The following GALNTL6 variants were observed in gnomAD, a reference collection of about 807,000 sequenced individuals.
GALNTL6 encodes polypeptide N-acetylgalactosaminyltransferase-like 6.
A neutral mutation model predicts 73.7 loss-of-function variants in GALNTL6; 46 were observed. The ratio of observed to expected loss-of-function variants is 0.62; its 90% CI spans 0.49 to 0.80. GALNTL6 has a LOEUF of 0.80. GALNTL6 is among the 30% of genes least tolerant of loss of function. The probability of loss-of-function intolerance (pLI) is 0.00; values close to 1 mark genes in which losing one functional copy is unlikely to be tolerated. For synonymous variants in GALNTL6, 259 were observed against 263.7 expected, an observed-to-expected ratio of 0.98 and a Z score of 0.17; for missense variants, 604 against 755.0, an observed-to-expected ratio of 0.80 and a Z score of 2.34.
chr4:173,032,428 G>C (rs1753505563), intron 12 of GALNTL6, among the ~76,000 whole-genome samples: 1 of 151,358 alleles, frequency 6.6e-6, no homozygotes, highest in South Asian at 2.1e-4. Context: ...TCCAGCCTCG[G>C]CGACAGAGCG....
At chr4:171,950,213 G>A (rs1021697230) in intron 2 of GALNTL6, among the ~76,000 whole-genome samples, 2 of 152,052 alleles carry the variant, frequency 1.3e-5, no homozygotes, top group Non-Finnish European at 2.9e-5. Context: ...TATCATTGAA[G>A]CATAAATTCA....
intron 11 of GALNTL6, among the ~76,000 whole-genome samples, chr4:173,014,599 GTC>G (rs1294753540): frequency 1.3e-5 from 2 of 152,318 alleles, no homozygotes; most frequent in South Asian, 2.1e-4. Context: ...GGAAAAAAGA[GTC>G]TCATTATCAA....
At chr4:171,845,673 G>A (rs1735350313) in intron 2 of GALNTL6, among the ~76,000 whole-genome samples, 1 of 152,136 alleles carries the variant, frequency 6.6e-6, no homozygotes, top group East Asian at 1.9e-4. Flanking sequence ...GACCCTAAGG[G>A]ATGGTAAAGA....
chr4:173,012,398 G>A (rs1579780327), intron 11 of GALNTL6, among the ~76,000 whole-genome samples: 1 of 152,154 alleles, frequency 6.6e-6, no homozygotes, highest in Admixed American at 6.5e-5. Flanking sequence ...ATGATGCGAG[G>A]AAAACAGCCA....
At chr4:171,834,807 A>T (rs1579494903) in intron 2 of GALNTL6, among the ~76,000 whole-genome samples, 2 of 151,862 alleles carry the variant, frequency 1.3e-5, no homozygotes, top group Non-Finnish European at 2.9e-5. Context: ...TAGATAAAAG[A>T]CTCGACTAGT....
intron 5 of GALNTL6, among the ~76,000 whole-genome samples, chr4:172,760,088 G>T (rs1286879537): frequency 6.6e-6 from 1 of 150,716 alleles, no homozygotes; most frequent in African/African-American, 2.5e-5. Flanking sequence ...CACCCGCCTC[G>T]GCCTCCCAAA....
In GALNTL6 at chr4:173,040,114, A is replaced by G; in HGVS notation, c.*14A>G. The stretch of plus-strand genomic sequence containing the variant: ...GCCAACTCCTAGAAAGAAGAAAGGA[A>G]GAAAGAGTGATTACCTACAGGTTAT... On this transcript the variant is annotated 3_prime_UTR_variant, in exon 13 of 13. Transcript: ENST00000506823. 6.3e-7 allele frequency: 1 copy of G among 1,593,240 alleles called. No individual in the cohort carries two copies. Among genetic ancestry groups the G allele is most frequent in the Non-Finnish European group, 8.6e-7 (1 of 1,164,360 alleles).
chr4:172,356,152 C>T (rs1742147314), intron 5 of GALNTL6, among the ~76,000 whole-genome samples: 1 of 152,132 alleles, frequency 6.6e-6, no homozygotes, highest in African/African-American at 2.4e-5. Flanking sequence ...GCATGACTTC[C>T]TCAAGAAAAA....
intron 5 of GALNTL6, among the ~76,000 whole-genome samples, chr4:172,575,132 C>A (rs892478439): frequency 4.6e-5 from 7 of 152,158 alleles, no homozygotes; most frequent in Non-Finnish European, 7.4e-5. Flanking sequence ...CTTGCCGATA[C>A]AACTCTGCCT....
chr4:172,537,398 AGGTCTGAT>A (rs1735383158), intron 5 of GALNTL6, among the ~76,000 whole-genome samples: 1 of 152,140 alleles, frequency 6.6e-6, no homozygotes, highest in Non-Finnish European at 1.5e-5. Context: ...GAGTTTCACA[AGGTCTGAT>A]GGTTTTATAA....
intron 2 of GALNTL6, among the ~76,000 whole-genome samples, chr4:172,107,203 G>A (rs1314511995): frequency 1.3e-5 from 2 of 152,048 alleles, no homozygotes; most frequent in African/African-American, 4.8e-5. Flanking sequence ...ACAACTATAT[G>A]GATTATGGCT....
At chr4:171,855,146 T>C (rs1438006342) in intron 2 of GALNTL6, among the ~76,000 whole-genome samples, 2 of 152,236 alleles carry the variant, frequency 1.3e-5, no homozygotes, top group African/African-American at 4.8e-5. Context: ...ATAGATTTCA[T>C]TAGAGTTTAC....
At chr4:172,754,908 G>A (rs1448024158) in intron 5 of GALNTL6, among the ~76,000 whole-genome samples, 4 of 151,554 alleles carry the variant, frequency 2.6e-5, no homozygotes, top group African/African-American at 4.8e-5. Flanking sequence ...GGGAGGGACT[G>A]TAGAGAATGA....
chr4:172,316,161 A>G (rs978741544), intron 4 of GALNTL6, among the ~76,000 whole-genome samples: 1 of 152,162 alleles, frequency 6.6e-6, no homozygotes, highest in Non-Finnish European at 1.5e-5. Context: ...GGTAAGAAAA[A>G]TTCATATCTA....
At chr4:172,186,399 A>G (rs1735415655) in intron 2 of GALNTL6, among the ~76,000 whole-genome samples, 1 of 152,310 alleles carries the variant, frequency 6.6e-6, no homozygotes, top group African/African-American at 2.4e-5. Context: ...GAATTACCAT[A>G]TGGCCCAGGA....
chr4:172,127,127 G>A (rs1017971489), intron 2 of GALNTL6, among the ~76,000 whole-genome samples: 12 of 152,236 alleles, frequency 7.9e-5, no homozygotes, highest in African/African-American at 2.9e-4. Context: ...GGGCCGCAGT[G>A]CAGCCACTGC....
chr4:172,177,768 T>C (rs1382832166), intron 2 of GALNTL6, among the ~76,000 whole-genome samples: 13 of 139,228 alleles, frequency 9.3e-5, no homozygotes, highest in South Asian at 4.3e-4. Flanking sequence ...TGTATATATA[T>C]GTACACATAT....
intron 2 of GALNTL6, among the ~76,000 whole-genome samples, chr4:172,029,336 G>A (rs560659426): frequency 1.1e-4 from 16 of 151,998 alleles, no homozygotes; most frequent in East Asian, 7.7e-4. Flanking sequence ...ATGTTAAAAC[G>A]TTAATTTTTA....
At chr4:172,404,209 G>A (rs1163387009) in intron 5 of GALNTL6, among the ~76,000 whole-genome samples, 2 of 151,848 alleles carry the variant, frequency 1.3e-5, no homozygotes, top group African/African-American at 4.8e-5. Context: ...TGAATGTCTT[G>A]TATTTTTATT....
Sources: allele counts gnomAD v4.1 joint callset (sites outside exome capture counted in the v4.1 genomes callset), GRCh38; gene constraint gnomAD v4.1.1; transcripts MANE v1.5; gene names NCBI Gene and HGNC (gene_info 2026-07-23, HGNC 2026-07-21).